EPG5: variants seen among roughly 807,000 people sequenced by gnomAD.
EPG5 encodes the protein ectopic P-granules 5 autophagy tethering factor.
Under a neutral mutation model 302.7 loss-of-function variants are expected in EPG5, and 159 were observed. That is an observed-to-expected ratio of 0.53 (90% CI 0.46 to 0.60). The LOEUF is 0.60. Among genes scored for constraint, EPG5 ranks in the 20% least tolerant of loss-of-function variants. EPG5 has a pLI of 0.00. For synonymous variants in EPG5, 1,158 were observed against 1,136.8 expected (o/e 1.02, Z -0.37); for missense variants, 2,896 against 3,092.4 (o/e 0.94, Z 1.51).
In EPG5 at chr18:45,882,387, T is replaced by A. The variant is rs1274919516; in HGVS notation, c.5405A>T (p.Glu1802Val). ...TGGCATCAAAATATCCTCATCTGGT[T>A]CAAGGCCCCAGGCAGTAAGTGCCAA... The part of the protein sequence containing the change: ...IHLALTAWGL[E>V]PDEDILMPFN... Residue 1802 changes from glutamate to valine, a missense_variant, in exon 31 of 44, where the codon GAA (glutamate) becomes GTA (valine). Glu to Val is a moderately radical substitution (Grantham distance 121). Coordinates refer to ENST00000282041, the MANE Select transcript of EPG5 (RefSeq NM_020964.3). 1 of 1,614,172 alleles carries A rather than the reference T, an allele frequency of 6.2e-7. No homozygotes were observed. Among genetic ancestry groups the A allele is most frequent in the South Asian group, 1.1e-5 (1 of 91,086 alleles).
At chr18:45,929,181 C>T (rs964108215) in intron 12 of EPG5, among the ~76,000 whole-genome samples, 172 bp from the exon 13 acceptor site, 1 of 151,952 alleles carries the variant, frequency 6.6e-6, no homozygotes, top group Non-Finnish European at 1.5e-5. Flanking sequence ...ACTCTGAGGC[C>T]GAAAGGTGCA....
intron 2 of EPG5, chr18:45,953,569 C>A (rs1229750696): frequency 1.0e-6 from 1 of 985,264 alleles, no homozygotes. Context: ...TTCTTCCTTG[C>A]CATCTCTCCT....
intron 5 of EPG5, among the ~76,000 whole-genome samples, chr18:45,949,207 G>C (rs2050851613): frequency 6.6e-6 from 1 of 152,056 alleles, no homozygotes; most frequent in Admixed American, 6.6e-5. Context: ...GTCCTGGTGA[G>C]CCTTTCTACA....
the EPG5 span, among the ~76,000 whole-genome samples, chr18:45,812,368 AT>A: frequency 2.0e-5 from 3 of 152,212 alleles, no homozygotes; most frequent in Non-Finnish European, 4.4e-5. Flanking sequence ...ATTCAATGCC[AT>A]CCCCATCAAG....
the EPG5 span, chr18:45,841,984 C>G: frequency 5.6e-6 from 5 of 899,516 alleles, no homozygotes; most frequent in African/African-American, 3.3e-5. Flanking sequence ...TGAGCCCTGC[C>G]GGTTCCAGCC....
In EPG5 at chr18:45,934,888, G is replaced by A. The variant is rs755084015; in HGVS notation, c.2178C>T (p.Leu726=). 1 of 1,614,172 alleles carries A rather than the reference G, an allele frequency of 6.2e-7. No homozygotes were observed. Among genetic ancestry groups the A allele is most frequent in the East Asian group, 2.2e-5 (1 of 44,884 alleles). The change falls in exon 11 of 44, where the codon CTC becomes CTT. Residue 726 remains leucine (L), a synonymous_variant. Coordinates refer to ENST00000282041, the MANE Select transcript of EPG5 (RefSeq NM_020964.3). The part of the protein sequence containing the change: ...SVQMLWKLFY[L]MHQVESENLQ... ...GGTTCTCGCTCTCCACCTGGTGCAT[G>A]AGGTAGAAGAGCTTCCACAGCATTT...
Position 45,881,346 on chromosome 18 carries a change from A to C in EPG5, c.5518+928T>G, listed in dbSNP as rs542893983. ...ATTAGCTATGCACATATTCATTGGC[A>C]TTTGTACAAATGTATTTCCCTTCCA... On this transcript the variant is annotated intron_variant, in intron 31 of 43. Transcript: ENST00000282041. Among the ~76,000 whole-genome samples the C allele has an allele frequency of 7.5e-4, 114 of 152,340 alleles. 1 individual carries two copies. The highest frequency in any genetic ancestry group is 3.4e-3 in the Middle Eastern group (1 of 294).
chr18:45,953,820 A>G, intron 2 of EPG5: 1 of 983,400 alleles, frequency 1.0e-6, no homozygotes, highest in Non-Finnish European at 1.2e-6. Flanking sequence ...TCCCCACTCA[A>G]TGGGGAAGAC....
chr18:45,844,813 G>A (rs2048351707), downstream of EPG5, among the ~76,000 whole-genome samples: 1 of 152,208 alleles, frequency 6.6e-6, no homozygotes, highest in Non-Finnish European at 1.5e-5. Flanking sequence ...TCTATGGAAA[G>A]TCCTGCATGA....
chr18:45,801,149 G>A, the EPG5 span, among the ~76,000 whole-genome samples: 1 of 152,110 alleles, frequency 6.6e-6, no homozygotes, highest in African/African-American at 2.4e-5. Context: ...CAGTTCTCCT[G>A]CCTTAGCCTC....
intron 36 of EPG5, 99 bp from the exon 37 acceptor site, chr18:45,867,847 C>A: frequency 9.5e-7 from 1 of 1,052,864 alleles, no homozygotes; most frequent in East Asian, 2.6e-5. Context: ...TTAAAAAACA[C>A]TTTTTCCCCA....
At chr18:45,908,821 C>A (rs977653802) in intron 23 of EPG5, among the ~76,000 whole-genome samples, 20 of 151,926 alleles carry the variant, frequency 1.3e-4, no homozygotes, top group African/African-American at 4.8e-4. Flanking sequence ...TGGTGGTGCA[C>A]ACCTGTAATC....
chr18:45,842,442 T>TGTGTGTGTGAGA, the EPG5 span: 1 of 344,430 alleles, frequency 2.9e-6, no homozygotes. Context: ...TGTGTGTGTG[T>TGTGTGTGTGAGA]GAGAGAGAGA....
At chr18:45,844,546 A>T (rs1332606121), downstream of EPG5, among the ~76,000 whole-genome samples, 1 of 152,184 alleles carries the variant, frequency 6.6e-6, no homozygotes, top group Non-Finnish European at 1.5e-5. Flanking sequence ...CATACTAATT[A>T]AAAATGTTTT....
rs912986968 is a variant in EPG5, at chr18:45,943,180, G to A, written c.1924C>T (p.Arg642Ter). The part of the protein sequence containing the change: ...NRARYRQFVK[R>*]IGYMIRMTLG... ...TATTACCTGATCATATAACCAATTC[G>A]CTTCACAAACTGCCTATAGCGTGCT... is the stretch of plus-strand genomic sequence containing the variant. The change falls in exon 9 of 44, where the codon CGA becomes TGA. Residue 642 changes from arginine (R) to a stop codon, truncating the protein, a stop_gained. Coordinates refer to ENST00000282041, the MANE Select transcript of EPG5 (RefSeq NM_020964.3). LOFTEE classifies it high-confidence loss of function. The A allele has an allele frequency of 1.9e-6, 3 of 1,614,088 alleles. No individual in the cohort carries two copies. Among genetic ancestry groups the A allele is most frequent in the Non-Finnish European group, 1.7e-6 (2 of 1,180,008 alleles).
At chr18:45,936,641 T>C (rs892012239) in intron 10 of EPG5, among the ~76,000 whole-genome samples, 16 of 143,974 alleles carry the variant, frequency 1.1e-4, no homozygotes, top group African/African-American at 4.2e-4. Flanking sequence ...GGCAGGAGAA[T>C]CACTTGAACC....
rs1017656205 is a variant in EPG5, at chr18:45,903,989, G to C, written c.4458C>G (p.Phe1486Leu). The C allele has an allele frequency of 1.1e-5, 17 of 1,610,114 alleles. No homozygotes were observed. The highest frequency in any genetic ancestry group is 1.4e-5 in the Non-Finnish European group (17 of 1,179,320). Reference sequence around the variant, plus strand: ...AGGACCCACCCAGCAAAGGATCAGTGAAGTCCAGCTGCACGGACAAACTGC... The same window carrying C: ...AGGACCCACCCAGCAAAGGATCAGTCAAGTCCAGCTGCACGGACAAACTGC... Reference protein sequence around the residue: ...TPCSLSVQLDFTDPLLAKERV... With the variant: ...TPCSLSVQLDLTDPLLAKERV... Residue 1486 changes from phenylalanine (F) to leucine (L), a missense_variant, in exon 25 of 44, where the codon TTC (phenylalanine) becomes TTG (leucine). By Grantham distance (22) the Phe-to-Leu change is conservative. Coordinates refer to ENST00000282041, the MANE Select transcript of EPG5 (RefSeq NM_020964.3).
In EPG5 at chr18:45,901,084, G is replaced by A; in HGVS notation, c.4558C>T (p.Pro1520Ser). 1 of 1,614,186 alleles carries A rather than the reference G, an allele frequency of 6.2e-7. No homozygotes were observed. Among genetic ancestry groups the A allele is most frequent in the Non-Finnish European group, 8.5e-7 (1 of 1,180,040 alleles). Residue 1520 changes from proline (P) to serine (S), a missense_variant, in exon 26 of 44, where the codon CCA (proline) becomes TCA (serine). Physicochemically the swap from Pro to Ser is moderately conservative, Grantham distance 74. Coordinates refer to ENST00000282041, the MANE Select transcript of EPG5 (RefSeq NM_020964.3). ...AATAGCACAGCAGAGGAAATAACTG[G>A]CACAGGAGGCTTCGTCGGGTGCAGA... ...LALHPTKPPV[P>S]VISSAVLLSQ...
At chr18:45,825,785 G>A in the EPG5 span, 2 of 1,614,244 alleles carry the variant, frequency 1.2e-6, no homozygotes, top group Non-Finnish European at 1.7e-6. Context: ...CGACAGGTGA[G>A]TGTCTGCTAC....
Sources: allele counts gnomAD v4.1 joint callset (sites outside exome capture counted in the v4.1 genomes callset), GRCh38; gene constraint gnomAD v4.1.1; transcripts MANE v1.5; gene names NCBI Gene and HGNC (gene_info 2026-07-23, HGNC 2026-07-21).